WDR87: variants seen among roughly 807,000 people sequenced by gnomAD.
The protein encoded by WDR87 is WD repeat domain 87, also known as WD repeat-containing protein 87.
A neutral mutation model predicts 83.3 loss-of-function variants in WDR87; 56 were observed. The ratio of observed to expected loss-of-function variants is 0.67; its 90% CI spans 0.54 to 0.84. The LOEUF is 0.84. Ranked by LOEUF, WDR87 falls within the 40% of genes least tolerant of loss-of-function variation. The probability of loss-of-function intolerance (pLI) is 0.00; values close to 1 mark genes in which losing one functional copy is unlikely to be tolerated. For missense variants in WDR87, 2,939 were observed against 3,431.9 expected, an observed-to-expected ratio of 0.86 and a Z score of 3.59; for synonymous variants, 1,173 against 1,250.6, an observed-to-expected ratio of 0.94 and a Z score of 1.31.
At chr19:37,896,499 C>T (rs995760066) in intron 2 of WDR87, among the ~76,000 whole-genome samples, 191 bp from the exon 3 acceptor site, 6 of 152,178 alleles carry the variant, frequency 3.9e-5, no homozygotes, top group African/African-American at 1.4e-4. Context: ...AACAAATCCC[C>T]CAATGCATGA....
intron 1 of WDR87, among the ~76,000 whole-genome samples, chr19:37,901,054 A>C (rs2046290874): frequency 6.7e-6 from 1 of 149,304 alleles, no homozygotes; most frequent in Non-Finnish European, 1.5e-5. Context: ...TGGGAGGATC[A>C]CTTGAGCTCA....
chr19:37,889,745 A>T lies in WDR87; in HGVS notation c.3926T>A (p.Val1309Glu). The T allele has an allele frequency of 2.6e-6, 4 of 1,551,686 alleles. No homozygotes were observed. The highest frequency in any genetic ancestry group is 3.5e-6 in the Non-Finnish European group (4 of 1,147,008). The stretch of plus-strand genomic sequence containing the variant: ...TACCAGCATCTCCTGAGCAAATGTC[A>T]CTAGCTCAGCGTTTAGGTTTTCTGA... ...KMSENLNAEL[V>E]TFAQEMLVDR... The change falls in exon 6 of 6, where the codon GTG becomes GAG. Residue 1309 changes from valine (V) to glutamate (E), a missense_variant. Coordinates refer to ENST00000447313, the MANE Select transcript of WDR87 (RefSeq NM_001291088.2).
chr19:37,892,185 G>A (rs1028831836), intron 4 of WDR87, among the ~76,000 whole-genome samples: 2 of 152,196 alleles, frequency 1.3e-5, no homozygotes, highest in African/African-American at 4.8e-5. Flanking sequence ...TTGAGCCCAG[G>A]AGTTCGAGAC....
Position 37,887,198 on chromosome 19 carries a change from T to C in WDR87, c.6473A>G (p.Asp2158Gly). The change falls in exon 6 of 6, where the codon GAT (aspartate) becomes GGT (glycine). Residue 2158 changes from aspartate to glycine, a missense_variant. Transcript: ENST00000447313. ...RRLSIEQSKL[D>G]IKEWDFSEKR... is the part of the protein sequence containing the mutation. ...TTCAGAAAAATCCCACTCTTTGATA[T>C]CCAGCTTACTCTGTTCTATACTCAA... is the stretch of plus-strand genomic sequence containing the variant. The C allele has an allele frequency of 1.3e-6, 2 of 1,551,826 alleles. No individual in the cohort carries two copies. Among genetic ancestry groups the C allele is most frequent in the Non-Finnish European group, 8.7e-7 (1 of 1,147,034 alleles).
At chr19:37,891,194 C>T (rs1218020494) in intron 5 of WDR87, among the ~76,000 whole-genome samples, 14 of 136,158 alleles carry the variant, frequency 1.0e-4, no homozygotes, top group African/African-American at 3.1e-4. Context: ...GATGGAGTTT[C>T]GCTCTGTCAC....
chr19:37,890,335 TC>T, intron 5 of WDR87, 59 bp from the exon 6 acceptor site: 1 of 1,454,372 alleles, frequency 6.9e-7, no homozygotes, highest in Non-Finnish European at 9.1e-7. Context: ...ATGAAACCCT[TC>T]CCAATATTAG....
chr19:37,902,473 C>T (rs2046299417), intron 1 of WDR87, among the ~76,000 whole-genome samples: 1 of 152,226 alleles, frequency 6.6e-6, no homozygotes, highest in South Asian at 2.1e-4. Flanking sequence ...CCGCCTCAGC[C>T]TCCCAAAGTG....
rs1351056336 is a variant in WDR87, at chr19:37,891,615, ATTC to A, written c.3328_3330del (p.Glu1110del). 1.2e-5 allele frequency: 18 copies of A among 1,551,872 alleles called. No individual in the cohort carries two copies. The Admixed American group carries it at 1.6e-4, about 14-fold the overall frequency. ...TTGCTGGGCTTGATGGCCACTTCAGATTCTTCAGAAACTGTAGGAGGTTTCAGG... is the reference window on the plus strand; with the variant it reads ...TTGCTGGGCTTGATGGCCACTTCAGATTCAGAAACTGTAGGAGGTTTCAGG... On this transcript the variant is annotated inframe_deletion, in exon 5 of 6. Coordinates refer to ENST00000447313, the MANE Select transcript of WDR87 (RefSeq NM_001291088.2).
Position 37,893,242 on chromosome 19 carries a change from CAG to C in WDR87, c.2459_2460del (p.Pro820ArgfsTer53), listed in dbSNP as rs1340844260. Reference protein sequence around the residue: ...FGHGREWLFAPDCYIPNSVIR... With the variant: ...FGHGREWLFAXDCYIPNSVIR... The stretch of plus-strand genomic sequence containing the variant: ...ATCACTGAATTGGGGATATAGCAGT[CAG>C]GGGCAAAAAGCCATTCCCGCCCATG... On this transcript the variant is annotated frameshift_variant, in exon 4 of 6. Transcript: ENST00000447313. LOFTEE classifies it high-confidence loss of function. 9 of 1,551,868 alleles carry C rather than the reference CAG, an allele frequency of 5.8e-6. No homozygotes were observed. The highest frequency in any genetic ancestry group is 6.1e-6 in the Non-Finnish European group (7 of 1,147,032).
intron 1 of WDR87, among the ~76,000 whole-genome samples, chr19:37,901,139 A>G (rs1000948697): frequency 3.5e-5 from 5 of 143,184 alleles, no homozygotes; most frequent in Admixed American, 3.5e-4. Context: ...ATCCTGTCTT[A>G]AAAAAAAAAA....
intron 2 of WDR87, 46 bp from the exon 3 acceptor site, chr19:37,896,354 A>G: frequency 6.5e-7 from 1 of 1,533,804 alleles, no homozygotes; most frequent in Non-Finnish European, 8.8e-7. Flanking sequence ...GCACAGAGGC[A>G]CTAAATATAT....
At chr19:37,904,071 T>G (rs2046308453) in intron 1 of WDR87, among the ~76,000 whole-genome samples, 1 of 151,348 alleles carries the variant, frequency 6.6e-6, no homozygotes, top group Non-Finnish European at 1.5e-5. Context: ...CCTGGCTAAT[T>G]TTTTGTATTT....
At chr19:37,901,729 T>G (rs1246032421) in intron 1 of WDR87, among the ~76,000 whole-genome samples, 1 of 152,018 alleles carries the variant, frequency 6.6e-6, no homozygotes, top group Non-Finnish European at 1.5e-5. Context: ...GGTTTTTTTT[T>G]TTGAGACAGG....
rs1232317475 is a variant in WDR87 at position 37,893,918 on chromosome 19, G to A, written c.1785C>T (p.Gly595=). 2 of 1,551,788 alleles carry A rather than the reference G, an allele frequency of 1.3e-6. No individual in the cohort carries two copies. The highest frequency in any genetic ancestry group is 1.7e-6 in the Non-Finnish European group (2 of 1,147,056). ...GAGGCAGTGTTTCTATGAATTTCAA[G>A]CCATTCTGTGACCCAGAGGACAGAA... ...HDFLSSGSQN[G]LKFIETLPLH... is the part of the protein sequence containing the mutation. The change falls in exon 4 of 6, where the codon GGC becomes GGT. Residue 595 remains glycine, a synonymous_variant. Coordinates refer to ENST00000447313, the MANE Select transcript of WDR87 (RefSeq NM_001291088.2).
chr19:37,895,420 CCA>C lies in WDR87; in HGVS notation c.281_282del (p.Met94SerfsTer2). 1.3e-6 allele frequency: 2 copies of C among 1,551,608 alleles called. No individual in the cohort carries two copies. Among genetic ancestry groups the C allele is most frequent in the Non-Finnish European group, 8.7e-7 (1 of 1,146,982 alleles). On this transcript the variant is annotated frameshift_variant, in exon 4 of 6. Transcript: ENST00000447313. LOFTEE classifies it high-confidence loss of function. ...GTCATGGAGAATGTTCTTTTCTCAACCATGTCCTCAGTTTTGCTCTTCATCCA... is the reference window on the plus strand; with the variant it reads ...GTCATGGAGAATGTTCTTTTCTCAACTGTCCTCAGTTTTGCTCTTCATCCA... ...VAWMKSKTED[M>X]VEKRTFSMTE...
At chr19:37,891,405 C>T in intron 5 of WDR87, 147 bp downstream of exon 5, 1 of 1,059,998 alleles carries the variant, frequency 9.4e-7, no homozygotes, top group Non-Finnish European at 1.3e-6. Flanking sequence ...CTCAAGTGAT[C>T]TGCCCACCTC....
At position 37,888,077 on chromosome 19, in the gene WDR87, A is replaced by G; in HGVS notation, c.5594T>C (p.Leu1865Pro). 1 of 1,551,462 alleles carries G rather than the reference A, an allele frequency of 6.4e-7. No homozygotes were observed. The highest frequency in any genetic ancestry group is 8.7e-7 in the Non-Finnish European group (1 of 1,146,974). The stretch of plus-strand genomic sequence containing the variant: ...GTACAGTATCATCTTGTTCTTTGTG[A>G]GTTCTTCCATGCTGTTGATCCATCT... ...RERWINSMEELTKNKMILYQK... is the reference protein window; with the variant it reads ...RERWINSMEEPTKNKMILYQK... Residue 1865 changes from leucine to proline, a missense_variant, in exon 6 of 6, where the codon CTC becomes CCC. This residue lies in a region of WDR87 where 2,160 missense variants were observed against 2,533.1 expected (regional missense o/e 0.85). Transcript: ENST00000447313.
chr19:37,892,799 A>G lies in WDR87; in HGVS notation c.2904T>C (p.Asp968=), dbSNP rs370331445. 4.5e-6 allele frequency: 7 copies of G among 1,551,622 alleles called. No individual in the cohort carries two copies. In the African/African-American group the frequency reaches 8.2e-5, roughly 18 times the overall value. ...RSETARRLLN[D]TTNSNPLIRE... ...GGATCAGCGGGTTGGAATTGGTTGT[A>G]TCATTCAGTAGCCGACGGGCTGTCT... is the stretch of plus-strand genomic sequence containing the variant. The change falls in exon 4 of 6, where the codon GAT becomes GAC. Residue 968 remains aspartate, a synonymous_variant. Coordinates refer to ENST00000447313, the MANE Select transcript of WDR87 (RefSeq NM_001291088.2).
In WDR87 at chr19:37,888,540, CTT is replaced by C; in HGVS notation, c.5129_5130del (p.Lys1710SerfsTer3). The C allele has an allele frequency of 6.4e-7, 1 of 1,551,832 alleles. No homozygotes were observed. The highest frequency in any genetic ancestry group is 8.7e-7 in the Non-Finnish European group (1 of 1,147,036). ...GCTAGTTTCTCTTCTTCTCTAGCCA[CTT>C]TCTCCCATTTCTTGGCCAGTTTCTT... ...KRKKLAKKWE[K>X]VAREEEKLAK... is the part of the protein sequence containing the mutation. On this transcript the variant is annotated frameshift_variant, in exon 6 of 6. Coordinates refer to ENST00000447313, the MANE Select transcript of WDR87 (RefSeq NM_001291088.2). LOFTEE classifies it low-confidence loss of function (END_TRUNC).
Sources: gnomAD v4.1 joint callset for allele counts (sites outside exome capture counted in the v4.1 genomes callset) on GRCh38, gnomAD v4.1.1 for gene constraint, gnomAD v4.1.1 regional missense constraint, MANE v1.5 for transcripts, NCBI Gene and HGNC (gene_info 2026-07-23, HGNC 2026-07-21) for gene names.